ZNF341: variants seen among roughly 807,000 people sequenced by gnomAD.
ZNF341 encodes zinc finger protein 341.
A neutral mutation model predicts 87.7 loss-of-function variants in ZNF341; 52 were observed. The ratio of observed to expected loss-of-function variants is 0.59; its 90% confidence interval spans 0.47 to 0.75. The LOEUF (loss-of-function observed/expected upper bound fraction) is 0.75, where lower values mean the gene tolerates loss of function less well. Among genes scored for constraint, ZNF341 ranks in the 30% least tolerant of loss-of-function variants. The pLI is 0.00. For synonymous variants in ZNF341, 459 were observed against 472.7 expected, an observed-to-expected ratio of 0.97 and a Z score of 0.38; for missense variants, 977 against 1,145.9, an observed-to-expected ratio of 0.85 and a Z score of 2.13.
intron 10 of ZNF341, among the ~76,000 whole-genome samples, chr20:33,775,180 G>A (rs190140854): frequency 5.6e-4 from 85 of 151,412 alleles, no homozygotes; most frequent in East Asian, 2.1e-3. Context: ...GTTCCTAGAA[G>A]TGATTTTGCA....
chr20:33,791,675 C>T lies in ZNF341; in HGVS notation c.*158C>T. On this transcript the variant is annotated 3_prime_UTR_variant, in exon 15 of 15. Transcript: ENST00000375200. The stretch of plus-strand genomic sequence containing the variant: ...ATTCAGAAACCTCAGCCCATGGTCG[C>T]CCTCCTGTGCCCCTCTCCTGCCGGA... 3 of 817,466 alleles carry T rather than the reference C, an allele frequency of 3.7e-6. No homozygotes were observed. Among genetic ancestry groups the T allele is most frequent in the Non-Finnish European group, 5.5e-6 (3 of 548,772 alleles). 50.6% of individuals were successfully genotyped at this position (817,466 alleles called of 1,614,324 possible).
chr20:33,788,358 G>A, intron 12 of ZNF341: 1 of 173,774 alleles, frequency 5.8e-6, no homozygotes, highest in Non-Finnish European at 1.2e-5. Flanking sequence ...GGCAGAGGTT[G>A]CAGTGACTCA....
chr20:33,764,919 C>T (rs1052458088), intron 8 of ZNF341, among the ~76,000 whole-genome samples: 4 of 151,710 alleles, frequency 2.6e-5, no homozygotes, highest in African/African-American at 9.7e-5. Context: ...CTCGAACTCC[C>T]GGACTCAAGT....
At chr20:33,765,692 A>G (rs2019389805) in intron 8 of ZNF341, among the ~76,000 whole-genome samples, 1 of 152,024 alleles carries the variant, frequency 6.6e-6, no homozygotes, top group Admixed American at 6.6e-5. Context: ...AGAATAAATA[A>G]TTTCTTCCAT....
chr20:33,762,743 T>C (rs77248772), intron 8 of ZNF341, among the ~76,000 whole-genome samples: 2 of 152,148 alleles, frequency 1.3e-5, no homozygotes, highest in Non-Finnish European at 2.9e-5. Flanking sequence ...TGTCCATGTG[T>C]TCTCATCGTT....
chr20:33,762,259 C>T (rs2019310860), intron 8 of ZNF341, among the ~76,000 whole-genome samples: 1 of 151,954 alleles, frequency 6.6e-6, no homozygotes, highest in African/African-American at 2.4e-5. Context: ...GTACCCATGG[C>T]AGACATCACT....
chr20:33,763,025 T>C (rs1410480923), intron 8 of ZNF341, among the ~76,000 whole-genome samples: 5 of 152,200 alleles, frequency 3.3e-5, no homozygotes, highest in Admixed American at 3.3e-4. Flanking sequence ...TCACATGCTA[T>C]GTAAGGATGT....
At chr20:33,783,348 G>A (rs564353712) in intron 11 of ZNF341, among the ~76,000 whole-genome samples, 1 of 152,196 alleles carries the variant, frequency 6.6e-6, no homozygotes, top group African/African-American at 2.4e-5. Context: ...TGGGTTAAAT[G>A]CTGACTTAAA....
intron 12 of ZNF341, 186 bp from the exon 13 acceptor site, chr20:33,788,677 C>A: frequency 1.5e-6 from 1 of 652,396 alleles, no homozygotes; most frequent in Non-Finnish European, 2.8e-6. Flanking sequence ...CTCTCCTGAC[C>A]ATCCTGTCAA....
rs576122636 is a variant in ZNF341 at position 33,732,069 on chromosome 20, C to T, written c.31+17C>T. ...CCCTGGAGGGTGAGCGGCGGCGGGGCCGGCGGAGGCGGCTGTTCCGCGCTG... is the reference window on the plus strand; with the variant it reads ...CCCTGGAGGGTGAGCGGCGGCGGGGTCGGCGGAGGCGGCTGTTCCGCGCTG... On this transcript the variant is annotated intron_variant, in intron 1 of 14. Transcript: ENST00000375200. The surrounding 1 kb of genome is among the most constrained non-coding windows in gnomAD (Gnocchi z 4.5). 1.6e-6 allele frequency: 2 copies of T among 1,266,816 alleles called. No homozygotes were observed. The highest frequency in any genetic ancestry group is 6.3e-5 in the East Asian group (2 of 31,602). 78.5% of individuals were successfully genotyped at this position (1,266,816 alleles called of 1,614,324 possible).
rs747874764 is a variant in ZNF341, at chr20:33,791,187, G to GC, written c.2242dup (p.Gln748ProfsTer22). ...AGGACAAGGACCTGCAAACCCGGCG[G>GC]CCCCCCCAGAGGAGGGCAGCCCCCC... On this transcript the variant is annotated frameshift_variant, in exon 15 of 15. Coordinates refer to ENST00000375200, the MANE Select transcript of ZNF341 (RefSeq NM_001282933.2). LOFTEE classifies it high-confidence loss of function. 6.2e-6 allele frequency: 10 copies of GC among 1,612,930 alleles called. No homozygotes were observed. The highest frequency in any genetic ancestry group is 5.1e-6 in the Non-Finnish European group (6 of 1,179,938).
At chr20:33,760,085 A>G (rs541491053) in intron 7 of ZNF341, among the ~76,000 whole-genome samples, 14 of 152,364 alleles carry the variant, frequency 9.2e-5, no homozygotes, top group East Asian at 3.9e-4. Context: ...TCGCTGTCCA[A>G]TAGAACTTTC....
At chr20:33,748,292 G>T (rs1451063814) in intron 3 of ZNF341, among the ~76,000 whole-genome samples, 1 of 151,492 alleles carries the variant, frequency 6.6e-6, no homozygotes, top group Non-Finnish European at 1.5e-5. Context: ...GGATGGTCTC[G>T]ATCTCTTGAC....
At chr20:33,784,953 G>A (rs899717845) in intron 12 of ZNF341, among the ~76,000 whole-genome samples, 9 of 152,152 alleles carry the variant, frequency 5.9e-5, no homozygotes, top group African/African-American at 1.7e-4. Context: ...CTGTGGTGGG[G>A]ACACTGCTCT....
intron 13 of ZNF341, 35 bp downstream of exon 13, chr20:33,789,009 C>G: frequency 6.6e-7 from 1 of 1,505,232 alleles, no homozygotes. Flanking sequence ...GGGTGGGTAG[C>G]GGGACAGATT....
intron 8 of ZNF341, among the ~76,000 whole-genome samples, chr20:33,764,174 G>A (rs557750651): frequency 4.6e-5 from 7 of 150,924 alleles, no homozygotes; most frequent in South Asian, 2.1e-4. Context: ...ACAGGCTCCC[G>A]CCACCATGCC....
chr20:33,756,793 C>T (rs1482765860), intron 5 of ZNF341, among the ~76,000 whole-genome samples: 1 of 152,220 alleles, frequency 6.6e-6, no homozygotes, highest in East Asian at 1.9e-4. Flanking sequence ...TATGTTGCTT[C>T]ATTTAATCTT....
intron 13 of ZNF341, 136 bp from the exon 14 acceptor site, chr20:33,789,382 C>A: frequency 1.2e-6 from 1 of 855,220 alleles, no homozygotes; most frequent in East Asian, 2.6e-5. Flanking sequence ...CCCTGCCTGC[C>A]TCACTTCCCA....
chr20:33,775,212 G>GTT (rs761179803), intron 10 of ZNF341, among the ~76,000 whole-genome samples: 36 of 137,806 alleles, frequency 2.6e-4, no homozygotes, highest in African/African-American at 4.2e-4. Flanking sequence ...AAAGGGTTTT[G>GTT]TTTTTTTTTT....
Sources: gnomAD v4.1 joint callset for allele counts (sites outside exome capture counted in the v4.1 genomes callset) on GRCh38, gnomAD v4.1.1 for gene constraint, Gnocchi (gnomAD v3.1) non-coding constraint, MANE v1.5 for transcripts, NCBI Gene and HGNC (gene_info 2026-07-23, HGNC 2026-07-21) for gene names.